ITGA9: variants seen among roughly 807,000 people sequenced by gnomAD.
ITGA9 encodes integrin alpha-9.
ITGA9 carries 56 observed loss-of-function variants against 127.8 expected under a neutral mutation model. The ratio of observed to expected loss-of-function variants is 0.44; its 90% CI spans 0.35 to 0.55. ITGA9 has a LOEUF of 0.55. Among genes scored for constraint, ITGA9 ranks in the 20% least tolerant of loss-of-function variants. ITGA9 has a pLI of 0.00. For missense variants in ITGA9, 1,196 were observed against 1,347.1 expected (o/e 0.89, Z 1.76); for synonymous variants, 508 against 514.5 (o/e 0.99, Z 0.17).
intron 26 of ITGA9, among the ~76,000 whole-genome samples, chr3:37,791,517 CT>C (rs1014190367): frequency 6.6e-6 from 1 of 152,188 alleles, no homozygotes; most frequent in African/African-American, 2.4e-5. Flanking sequence ...GGGCTATAGG[CT>C]GCGTCCAGGC....
At chr3:37,531,804 C>A (rs1699155368) in intron 13 of ITGA9, among the ~76,000 whole-genome samples, 3 of 152,182 alleles carry the variant, frequency 2.0e-5, no homozygotes, top group African/African-American at 7.2e-5. Flanking sequence ...CGGATCCCAG[C>A]CCTTGCAGGG....
chr3:37,465,595 A>G (rs1579042566), intron 1 of ITGA9, among the ~76,000 whole-genome samples: 1 of 152,210 alleles, frequency 6.6e-6, no homozygotes, highest in East Asian at 1.9e-4. Flanking sequence ...GAACCGATGC[A>G]CCCACACTGC....
At chr3:37,520,856 C>T (rs779221933) in intron 11 of ITGA9, among the ~76,000 whole-genome samples, 30 of 152,200 alleles carry the variant, frequency 2.0e-4, no homozygotes, top group Non-Finnish European at 2.4e-4. Context: ...ACGCATCCTC[C>T]GGGAAGCTTG....
intron 5 of ITGA9, among the ~76,000 whole-genome samples, chr3:37,499,883 T>G (rs1698770287): frequency 2.0e-5 from 3 of 152,200 alleles, no homozygotes. Flanking sequence ...AGGCATACAT[T>G]TTTCAACTTT....
At chr3:37,667,644 A>G (rs956738758) in intron 17 of ITGA9, among the ~76,000 whole-genome samples, 2 of 152,204 alleles carry the variant, frequency 1.3e-5, no homozygotes, top group African/African-American at 4.8e-5. Flanking sequence ...TTGTCTTACA[A>G]AGTAACTCAG....
chr3:37,531,997 T>C (rs1298009426), intron 13 of ITGA9, among the ~76,000 whole-genome samples: 1 of 152,174 alleles, frequency 6.6e-6, no homozygotes, highest in East Asian at 1.9e-4. Context: ...GACGGGGTTT[T>C]ATAGGGTGTC....
chr3:37,578,811 T>A (rs1268720815), intron 15 of ITGA9, among the ~76,000 whole-genome samples: 1 of 141,256 alleles, frequency 7.1e-6, no homozygotes, highest in Non-Finnish European at 1.5e-5. Context: ...GAAAACTTCA[T>A]CATGATGGGA....
At chr3:37,468,292 C>A (rs1172618327) in intron 1 of ITGA9, among the ~76,000 whole-genome samples, 1 of 152,040 alleles carries the variant, frequency 6.6e-6, no homozygotes, top group Non-Finnish European at 1.5e-5. Flanking sequence ...CAGATACAGA[C>A]CCTCCAAGAC....
intron 15 of ITGA9, among the ~76,000 whole-genome samples, chr3:37,577,219 A>G (rs944623758): frequency 6.6e-6 from 1 of 152,228 alleles, no homozygotes; most frequent in Non-Finnish European, 1.5e-5. Context: ...TGCTAGTTAC[A>G]TATGGCCAAG....
At position 37,494,582 on chromosome 3, in the gene ITGA9, G is replaced by A. The variant is rs1325243411; in HGVS notation, c.612+14G>A. On this transcript the variant is annotated intron_variant, in intron 5 of 27. Transcript: ENST00000264741. ...TTCTTCACCGAGGTGGGTGTCTGCT[G>A]TCTGGGCATTTCTGTTCTCTTGTGG... The A allele has an allele frequency of 1.9e-6, 3 of 1,609,464 alleles. No homozygotes were observed. Among genetic ancestry groups the A allele is most frequent in the Non-Finnish European group, 1.7e-6 (2 of 1,175,906 alleles).
At chr3:37,630,470 A>T (rs967213198) in intron 16 of ITGA9, among the ~76,000 whole-genome samples, 2 of 152,200 alleles carry the variant, frequency 1.3e-5, no homozygotes, top group Non-Finnish European at 2.9e-5. Flanking sequence ...TGGAACAAAA[A>T]TTACACCAAA....
chr3:37,560,192 A>G (rs932835006), intron 15 of ITGA9, among the ~76,000 whole-genome samples: 2 of 152,126 alleles, frequency 1.3e-5, no homozygotes, highest in Non-Finnish European at 2.9e-5. Flanking sequence ...ATGAGTGAGA[A>G]CATGTAGTGT....
At position 37,471,139 on chromosome 3, in the gene ITGA9, G is replaced by T. The variant is rs1698426793; in HGVS notation, c.313+5G>T. 6.2e-7 allele frequency: 1 copy of T among 1,613,842 alleles called. No individual in the cohort carries two copies. Among genetic ancestry groups the T allele is most frequent in the African/African-American group, 1.3e-5 (1 of 74,892 alleles). On this transcript the variant is annotated splice_donor_5th_base_variant and intron_variant, in intron 2 of 27. Transcript: ENST00000264741. ...CCGAACTGGACATGGCTCGAGGTGGGTGACCATTACTGCTGTGGTGGAAAT... is the reference window on the plus strand; with the variant it reads ...CCGAACTGGACATGGCTCGAGGTGGTTGACCATTACTGCTGTGGTGGAAAT...
At chr3:37,735,438 C>T (rs867808892) in intron 19 of ITGA9, among the ~76,000 whole-genome samples, 6 of 152,108 alleles carry the variant, frequency 3.9e-5, no homozygotes, top group East Asian at 1.9e-4. Flanking sequence ...GACCAATGTC[C>T]GTTGCTTTCA....
chr3:37,523,562 T>A lies in ITGA9; in HGVS notation c.1278T>A (p.Phe426Leu), dbSNP rs141414928. The change falls in exon 12 of 28, where the codon TTT becomes TTA. Residue 426 changes from phenylalanine to leucine, a missense_variant. Transcript: ENST00000264741. Reference protein sequence around the residue: ...GQKINPVLRMFGQSISGGIDM... With the variant: ...GQKINPVLRMLGQSISGGIDM... ...AGATAAATCCAGTGCTCCGGATGTT[T>A]GGTCAGTCCATATCGGGAGGCATTG... The A allele has an allele frequency of 6.2e-7, 1 of 1,614,130 alleles. No individual in the cohort carries two copies. Among genetic ancestry groups the A allele is most frequent in the Admixed American group, 1.7e-5 (1 of 60,026 alleles).
chr3:37,529,157 A>G (rs1028073991), intron 13 of ITGA9, among the ~76,000 whole-genome samples: 1 of 152,214 alleles, frequency 6.6e-6, no homozygotes, highest in African/African-American at 2.4e-5. Flanking sequence ...TTGTTGACAG[A>G]ACACATGACA....
chr3:37,486,885 T>A lies in ITGA9; in HGVS notation c.544+5278T>A, dbSNP rs572359532. Among the ~76,000 whole-genome samples the A allele has an allele frequency of 3.0e-3, 452 of 152,340 alleles. 5 individuals carry two copies. The highest frequency in any genetic ancestry group is 0.01 in the African/African-American group (417 of 41,596). On this transcript the variant is annotated intron_variant, in intron 4 of 27. Transcript: ENST00000264741. ...TCCAAAGATTTCTGTACCACTCTATTATCAGGGAATGACTGGCTTTTATTT... is the reference window on the plus strand; with the variant it reads ...TCCAAAGATTTCTGTACCACTCTATAATCAGGGAATGACTGGCTTTTATTT...
At chr3:37,633,914 CT>C (rs1468412241) in intron 16 of ITGA9, among the ~76,000 whole-genome samples, 1 of 152,166 alleles carries the variant, frequency 6.6e-6, no homozygotes, top group African/African-American at 2.4e-5. Flanking sequence ...TGAATGCATA[CT>C]ACCTTCACAC....
intron 27 of ITGA9, among the ~76,000 whole-genome samples, chr3:37,817,999 T>C (rs1280249119): frequency 6.6e-6 from 1 of 152,052 alleles, no homozygotes; most frequent in Non-Finnish European, 1.5e-5. Context: ...AATGCAGACC[T>C]GCAGACGCTT....
Sources: allele counts gnomAD v4.1 joint callset (sites outside exome capture counted in the v4.1 genomes callset), GRCh38; gene constraint gnomAD v4.1.1; transcripts MANE v1.5; gene names NCBI Gene and HGNC (gene_info 2026-07-23, HGNC 2026-07-21).